TNPO2: variants seen among roughly 807,000 people sequenced by gnomAD.
TNPO2 encodes transportin-2.
TNPO2 carries 16 observed loss-of-function variants against 111.1 expected under a neutral mutation model. That is an observed-to-expected ratio of 0.14 (90% CI 0.10 to 0.22). TNPO2 has a LOEUF of 0.22. TNPO2 is among the 10% of genes least tolerant of loss of function. The probability of loss-of-function intolerance (pLI) is 1.00; values close to 1 mark genes in which losing one functional copy is unlikely to be tolerated. For synonymous variants in TNPO2, 481 were observed against 475.8 expected (o/e 1.01, Z -0.14); for missense variants, 530 against 1,173.7 (o/e 0.45, Z 8.01).
chr19:12,702,256 AAGGG>A lies in TNPO2; in HGVS notation c.2306-83_2306-80del. On this transcript the variant is annotated intron_variant, in intron 21 of 25. Transcript: ENST00000425528. This position sits in a 1 kb window ranked among gnomAD's most constrained non-coding sequence, Gnocchi z 5.5. Reference sequence around the variant, plus strand: ...CACCAAGCCCCGCCCCATGAGCCCCAAGGGAATGGCTACTGCAGCCACCCTGGTC... The same window carrying A: ...CACCAAGCCCCGCCCCATGAGCCCCAAATGGCTACTGCAGCCACCCTGGTC... 1 of 1,299,788 alleles carries A rather than the reference AAGGG, an allele frequency of 7.7e-7. No individual in the cohort carries two copies. Among genetic ancestry groups the A allele is most frequent in the Non-Finnish European group, 1.1e-6 (1 of 923,708 alleles). The allele number at this position is 1,299,788 out of a possible 1,614,324, so 80.5% of individuals were successfully genotyped here.
intron 9 of TNPO2, 25 bp from the exon 10 acceptor site, chr19:12,714,964 G>A: frequency 6.2e-7 from 1 of 1,602,012 alleles, no homozygotes; most frequent in East Asian, 2.2e-5. Flanking sequence ...AGAAGCTGAG[G>A]CCTGGCCTGG....
At position 12,719,064 on chromosome 19, in the gene TNPO2, ATGT is replaced by A; in HGVS notation, c.287_289del (p.Asn96del). On this transcript the variant is annotated inframe_deletion, in exon 5 of 26. Transcript: ENST00000425528. The surrounding 1 kb of genome is among the most constrained non-coding windows in gnomAD (Gnocchi z 5.0). Reference sequence around the variant, plus strand: ...TCGGATGAGCGAGGAGGCATCGCCAATGTTGTTGAGACACTCCTGTTTGATGAA... The same window carrying A: ...TCGGATGAGCGAGGAGGCATCGCCAATGTTGAGACACTCCTGTTTGATGAA... The A allele has an allele frequency of 6.2e-7, 1 of 1,613,932 alleles. No homozygotes were observed. Among genetic ancestry groups the A allele is most frequent in the South Asian group, 1.1e-5 (1 of 91,080 alleles).
In TNPO2 at chr19:12,721,520, C is replaced by T. The variant is rs1435211612; in HGVS notation, c.-13-530G>A. On this transcript the variant is annotated intron_variant, in intron 2 of 25. Coordinates refer to ENST00000425528, the MANE Select transcript of TNPO2 (RefSeq NM_001382241.1). This position sits in a 1 kb window ranked among gnomAD's most constrained non-coding sequence, Gnocchi z 4.9. ...CTCCTGCCCTAGTCCAATTTCTGAG[C>T]TTCCCCAGATGCGCCCTCCCAAGAC... 1.6e-5 allele frequency: 6 copies of T among 366,990 alleles called. No homozygotes were observed. The allele number at this position is 366,990 out of a possible 1,614,324, so 22.7% of individuals were successfully genotyped here. A position where few individuals can be genotyped will look rare whatever the true frequency, so the allele number is the denominator to read the frequency against.
chr19:12,717,656 AG>A (rs2026439296), intron 5 of TNPO2, among the ~76,000 whole-genome samples: 1 of 152,040 alleles, frequency 6.6e-6, no homozygotes, highest in African/African-American at 2.4e-5. Flanking sequence ...CTGGCCTGGG[AG>A]GGGGTTTTTG....
In TNPO2 at chr19:12,699,488, C is replaced by G. The variant is rs1393458668; in HGVS notation, c.*1776G>C. 7.1e-6 allele frequency: 1 copy of G among 141,550 alleles called. No individual in the cohort carries two copies. Among genetic ancestry groups the G allele is most frequent in the Non-Finnish European group, 1.5e-5 (1 of 65,612 alleles). The allele number at this position is 141,550 out of a possible 1,614,324, so 8.8% of individuals were successfully genotyped here. A position where few individuals can be genotyped will look rare whatever the true frequency, so the allele number is the denominator to read the frequency against. ...TTAAAAAAAAAAAAAAAAAGGAAAACGAGAAGAACCAGGCTCCCCTTCCCT... is the reference window on the plus strand; with the variant it reads ...TTAAAAAAAAAAAAAAAAAGGAAAAGGAGAAGAACCAGGCTCCCCTTCCCT... On this transcript the variant is annotated 3_prime_UTR_variant, in exon 26 of 26. Coordinates refer to ENST00000425528, the MANE Select transcript of TNPO2 (RefSeq NM_001382241.1).
In TNPO2 at chr19:12,702,383, T is replaced by C. The variant is rs1305630319; in HGVS notation, c.2306-206A>G. ...TTTCTTTCTTTCCTTTCCCTTTCCT[T>C]TTTGTTTTTTTTTGTTTTGTTTTGT... On this transcript the variant is annotated intron_variant, in intron 21 of 25. Transcript: ENST00000425528. The surrounding 1 kb of genome is among the most constrained non-coding windows in gnomAD (Gnocchi z 5.5). 4.1e-5 allele frequency: 28 copies of C among 680,438 alleles called. No homozygotes were observed. Among genetic ancestry groups the C allele is most frequent in the Non-Finnish European group, 1.3e-5 (5 of 375,142 alleles). The allele number at this position is 680,438 out of a possible 1,614,324, so 42.2% of individuals were successfully genotyped here.
In TNPO2 at chr19:12,715,555, A is replaced by G. The variant is rs2026314376; in HGVS notation, c.433-17T>C. 6.2e-7 allele frequency: 1 copy of G among 1,613,516 alleles called. No individual in the cohort carries two copies. The highest frequency in any genetic ancestry group is 8.5e-7 in the Non-Finnish European group (1 of 1,179,562). The stretch of plus-strand genomic sequence containing the variant: ...AAAGGCTCCCTGAGTGCAGAGGGGC[A>G]GAGAGACAAACGTGGGTGGTGGGTG... On this transcript the variant is annotated splice_polypyrimidine_tract_variant and intron_variant, in intron 6 of 25. Transcript: ENST00000425528. The surrounding 1 kb of genome is among the most constrained non-coding windows in gnomAD (Gnocchi z 7.1).
rs747117218 is a variant in TNPO2 at position 12,705,232 on chromosome 19, C to T, written c.2022+8G>A. 6.3e-7 allele frequency: 1 copy of T among 1,599,424 alleles called. No homozygotes were observed. The highest frequency in any genetic ancestry group is 1.7e-5 in the Admixed American group (1 of 58,470). ...TGGGTGTCATCACTGTCCAGGGTCC[C>T]CACCCACCTGCATGCACTGGAACAG... On this transcript the variant is annotated splice_region_variant and intron_variant, in intron 18 of 25. Transcript: ENST00000425528. The surrounding 1 kb of genome is among the most constrained non-coding windows in gnomAD (Gnocchi z 7.2).
In TNPO2 at chr19:12,720,861, G is replaced by T; in HGVS notation, c.99+18C>A. On this transcript the variant is annotated intron_variant, in intron 3 of 25. Coordinates refer to ENST00000425528, the MANE Select transcript of TNPO2 (RefSeq NM_001382241.1). ...GCATCTACCCGGCTCCCCCAGCCCC[G>T]GAAGGAAGGAAGGATACATCCTGCA... 6.4e-7 allele frequency: 1 copy of T among 1,574,346 alleles called. No homozygotes were observed. The highest frequency in any genetic ancestry group is 8.6e-7 in the Non-Finnish European group (1 of 1,161,592).
chr19:12,716,807 G>A (rs934242053), intron 5 of TNPO2, among the ~76,000 whole-genome samples: 2 of 152,120 alleles, frequency 1.3e-5, no homozygotes, highest in African/African-American at 2.4e-5. Context: ...TGAAGGAGGT[G>A]AAGGAGGCGA....
At position 12,711,612 on chromosome 19, in the gene TNPO2, A is replaced by G. The variant is rs985964966; in HGVS notation, c.892T>C (p.Leu298=). 13 of 1,613,108 alleles carry G rather than the reference A, an allele frequency of 8.1e-6. No individual in the cohort carries two copies. Among genetic ancestry groups the G allele is most frequent in the Admixed American group, 3.3e-5 (2 of 59,836 alleles). ...KEVLASHLVQ[L]IPILVNGMKY... ...ATCCCATTCACCAAGATGGGGATCAACCTGCACAGAGAGGGACTGTTTATG... is the reference window on the plus strand; with the variant it reads ...ATCCCATTCACCAAGATGGGGATCAGCCTGCACAGAGAGGGACTGTTTATG... Residue 298 remains leucine (L), a splice_region_variant and synonymous_variant, in exon 11 of 26, where the codon TTG becomes CTG. Coordinates refer to ENST00000425528, the MANE Select transcript of TNPO2 (RefSeq NM_001382241.1).
intron 2 of TNPO2, chr19:12,722,623 G>C (rs539980089): frequency 6.2e-4 from 92 of 149,190 alleles, no homozygotes; most frequent in African/African-American, 2.2e-3. Context: ...CGCGGCCGTA[G>C]GTGAGCCGCC....
Position 12,711,505 on chromosome 19 carries a change from G to A in TNPO2, c.952-44C>T, listed in dbSNP as rs201407336. 2.5e-5 allele frequency: 41 copies of A among 1,613,826 alleles called. No homozygotes were observed. The East Asian group carries it at 3.3e-4, about 13-fold the overall frequency. On this transcript the variant is annotated intron_variant, in intron 11 of 25. Transcript: ENST00000425528. Reference sequence around the variant, plus strand: ...GTTAAGTACTTTGGGGACCACAGCCGCGACACCCACGCCCATGCCCACCCA... The same window carrying A: ...GTTAAGTACTTTGGGGACCACAGCCACGACACCCACGCCCATGCCCACCCA...
At chr19:12,718,714 C>G (rs1043631897) in intron 5 of TNPO2, among the ~76,000 whole-genome samples, 11 of 152,162 alleles carry the variant, frequency 7.2e-5, no homozygotes, top group Admixed American at 3.9e-4. Flanking sequence ...AACTGCTATA[C>G]CCTTAGCACT....
intron 10 of TNPO2, among the ~76,000 whole-genome samples, chr19:12,713,964 G>A (rs2026218657): frequency 6.6e-6 from 1 of 152,130 alleles, no homozygotes; most frequent in African/African-American, 2.4e-5. Flanking sequence ...GGGAGGTCAA[G>A]GCTGCAGTGA....
In TNPO2 at chr19:12,706,902, A is replaced by G; in HGVS notation, c.1271-107T>C. The G allele has an allele frequency of 3.1e-6, 3 of 969,300 alleles. No homozygotes were observed. The highest frequency in any genetic ancestry group is 2.2e-4 in the Middle Eastern group (1 of 4,554). The allele number at this position is 969,300 out of a possible 1,614,324, so 60.0% of individuals were successfully genotyped here. ...ACAACATATAGGGAAACTGAGGCTTAGAGTTTAAATCACTGGCCCAGACTC... is the reference window on the plus strand; with the variant it reads ...ACAACATATAGGGAAACTGAGGCTTGGAGTTTAAATCACTGGCCCAGACTC... On this transcript the variant is annotated intron_variant, in intron 13 of 25. Transcript: ENST00000425528. This position sits in a 1 kb window ranked among gnomAD's most constrained non-coding sequence, Gnocchi z 7.0.
rs777792558 is a variant in TNPO2 at position 12,711,322 on chromosome 19, T to G, written c.1091A>C (p.Asp364Ala). Residue 364 changes from aspartate to alanine, a missense_variant, in exon 12 of 26, where the codon GAT becomes GCT. Coordinates refer to ENST00000425528, the MANE Select transcript of TNPO2 (RefSeq NM_001382241.1). ...CAAATTCCAGTCGGACAGAGCATCA[T>G]CATCATCGTCATCCTCCGCGTCCTC... The part of the protein sequence containing the change: ...GSEDAEDDDD[D>A]DALSDWNLRK... 1 of 1,613,950 alleles carries G rather than the reference T, an allele frequency of 6.2e-7. No individual in the cohort carries two copies. The highest frequency in any genetic ancestry group is 1.1e-5 in the South Asian group (1 of 91,084).
chr19:12,704,618 C>T (rs2025526007), intron 18 of TNPO2, among the ~76,000 whole-genome samples: 1 of 152,112 alleles, frequency 6.6e-6, no homozygotes, highest in Admixed American at 6.6e-5. Context: ...GGATGTAGAA[C>T]CCACAGATAC....
chr19:12,705,218 A>G lies in TNPO2; in HGVS notation c.2022+22T>C. 4 of 1,591,890 alleles carry G rather than the reference A, an allele frequency of 2.5e-6. No individual in the cohort carries two copies. The highest frequency in any genetic ancestry group is 3.4e-6 in the Non-Finnish European group (4 of 1,169,778). On this transcript the variant is annotated intron_variant, in intron 18 of 25. Transcript: ENST00000425528. This position sits in a 1 kb window ranked among gnomAD's most constrained non-coding sequence, Gnocchi z 7.2. Reference sequence around the variant, plus strand: ...CCCACGCAGGCTGCTGGGTGTCATCACTGTCCAGGGTCCCCACCCACCTGC... The same window carrying G: ...CCCACGCAGGCTGCTGGGTGTCATCGCTGTCCAGGGTCCCCACCCACCTGC...
Sources: allele counts gnomAD v4.1 joint callset (sites outside exome capture counted in the v4.1 genomes callset), GRCh38; gene constraint gnomAD v4.1.1; non-coding constraint Gnocchi (gnomAD v3.1); transcripts MANE v1.5; gene names NCBI Gene and HGNC (gene_info 2026-07-23, HGNC 2026-07-21).